The following FAM110B variants were observed in gnomAD, a reference collection of about 807,000 sequenced individuals.
The protein encoded by FAM110B is protein FAM110B.
In FAM110B, 6 loss-of-function variants were observed where a neutral mutation model predicts 20.4. That is an observed-to-expected ratio of 0.29 (90% confidence interval 0.16 to 0.58). FAM110B has a LOEUF of 0.58. Ranked by LOEUF, FAM110B falls within the 20% of genes least tolerant of loss-of-function variation. The pLI, the probability that FAM110B is intolerant of heterozygous loss-of-function variation, is 0.90. For missense variants in FAM110B, 434 were observed against 498.2 expected, an observed-to-expected ratio of 0.87 and a Z score of 1.23; for synonymous variants, 226 against 214.1, an observed-to-expected ratio of 1.06 and a Z score of -0.49.
chr8:58,067,242 G>A (rs1245080689), intron 2 of FAM110B, among the ~76,000 whole-genome samples: 6 of 152,206 alleles, frequency 3.9e-5, no homozygotes, highest in African/African-American at 1.4e-4. Flanking sequence ...CATGCAATGA[G>A]GCAGACGGTT....
intron 3 of FAM110B, among the ~76,000 whole-genome samples, chr8:58,126,543 C>T (rs1807509766): frequency 6.6e-6 from 1 of 152,148 alleles, no homozygotes; most frequent in African/African-American, 2.4e-5. Flanking sequence ...AGTTTCTCTG[C>T]ATTCTTGCCA....
At chr8:58,141,977 G>T (rs1803753326) in intron 3 of FAM110B, among the ~76,000 whole-genome samples, 2 of 152,174 alleles carry the variant, frequency 1.3e-5, no homozygotes, top group Admixed American at 6.5e-5. Context: ...CTCCAGGATT[G>T]CAAATGTTCT....
chr8:58,055,055 A>G (rs1379893679), intron 2 of FAM110B, among the ~76,000 whole-genome samples: 3 of 152,286 alleles, frequency 2.0e-5, no homozygotes, highest in African/African-American at 7.2e-5. Flanking sequence ...TGAAATAGTT[A>G]TTCTTACCCT....
At chr8:58,051,652 A>G (rs558232022) in intron 2 of FAM110B, among the ~76,000 whole-genome samples, 107 of 152,302 alleles carry the variant, frequency 7.0e-4, no homozygotes, top group Non-Finnish European at 1.2e-3. Context: ...TTGCAAATAT[A>G]TAACATATTT....
At chr8:58,075,084 T>G (rs562357476) in intron 2 of FAM110B, among the ~76,000 whole-genome samples, 2 of 152,206 alleles carry the variant, frequency 1.3e-5, no homozygotes, top group African/African-American at 4.8e-5. Flanking sequence ...GCTGTCTTTT[T>G]TTTTTAATAT....
intron 1 of FAM110B, among the ~76,000 whole-genome samples, chr8:58,015,340 G>A (rs987219948): frequency 6.6e-6 from 1 of 151,624 alleles, no homozygotes; most frequent in Non-Finnish European, 1.5e-5. Flanking sequence ...CTGGACGACA[G>A]AGCAAAACTC....
rs1444707674 is a variant in FAM110B at position 58,146,610 on chromosome 8, G to A, written c.380G>A (p.Ser127Asn). 1 of 1,614,028 alleles carries A rather than the reference G, an allele frequency of 6.2e-7. No homozygotes were observed. Among genetic ancestry groups the A allele is most frequent in the Non-Finnish European group, 8.5e-7 (1 of 1,179,950 alleles). The change falls in exon 4 of 4, where the codon AGC (serine) becomes AAC (asparagine). Residue 127 changes from serine to asparagine, a missense_variant. Ser to Asn is a conservative substitution (Grantham distance 46, BLOSUM62 1). This residue lies in a region of FAM110B where 284 missense variants were observed against 278.3 expected (regional missense o/e 1.02). Transcript: ENST00000519262. The part of the protein sequence containing the change: ...KLEILKNIIN[S>N]SEGSSSGSGH... Reference sequence around the variant, plus strand: ...GAGATCCTGAAGAACATCATCAATAGCTCCGAGGGCTCTAGCTCGGGCTCG... The same window carrying A: ...GAGATCCTGAAGAACATCATCAATAACTCCGAGGGCTCTAGCTCGGGCTCG...
At position 58,116,540 on chromosome 8, in the gene FAM110B, T is replaced by G. The variant is rs149698037; in HGVS notation, c.-324-29367T>G. ...AATGAGGCTTTTCTTATTTGACAGATAGAACAATGCCTGAATAAAGAAGGA... is the reference window on the plus strand; with the variant it reads ...AATGAGGCTTTTCTTATTTGACAGAGAGAACAATGCCTGAATAAAGAAGGA... On this transcript the variant is annotated intron_variant, in intron 3 of 3. Coordinates refer to ENST00000519262, the MANE Select transcript of FAM110B (RefSeq NM_001377989.1). 8.5e-5 allele frequency among the ~76,000 whole-genome samples: 13 copies of G among 152,336 alleles called. No homozygotes were observed. In the East Asian group the frequency reaches 2.5e-3, roughly 29 times the overall value.
intron 1 of FAM110B, among the ~76,000 whole-genome samples, chr8:58,029,846 C>T (rs1282125487): frequency 2.6e-5 from 4 of 152,130 alleles, no homozygotes; most frequent in African/African-American, 7.2e-5. Flanking sequence ...AAGATAAATC[C>T]AATCTTGAAG....
intron 2 of FAM110B, among the ~76,000 whole-genome samples, chr8:58,035,257 A>G (rs1805053319): frequency 6.6e-6 from 1 of 152,196 alleles, no homozygotes; most frequent in Admixed American, 6.5e-5. Context: ...CACTTATGTT[A>G]TATGGTTGTT....
chr8:58,090,176 C>T (rs935359547), intron 3 of FAM110B, among the ~76,000 whole-genome samples: 6 of 152,068 alleles, frequency 3.9e-5, no homozygotes, highest in Admixed American at 2.0e-4. Context: ...GGCAGGGGGG[C>T]GGAGACAAAG....
chr8:58,045,451 G>A (rs1207567906), intron 2 of FAM110B, among the ~76,000 whole-genome samples: 1 of 152,154 alleles, frequency 6.6e-6, no homozygotes, highest in Non-Finnish European at 1.5e-5. Flanking sequence ...CTGACTGCAT[G>A]CACGCTCTGT....
chr8:58,039,806 G>T (rs888262536), intron 2 of FAM110B, among the ~76,000 whole-genome samples: 2 of 152,122 alleles, frequency 1.3e-5, no homozygotes, highest in Non-Finnish European at 2.9e-5. Flanking sequence ...GCTCAGGCTG[G>T]AGTGCAGTGA....
At chr8:58,127,134 C>T (rs1350254252) in intron 3 of FAM110B, among the ~76,000 whole-genome samples, 3 of 152,182 alleles carry the variant, frequency 2.0e-5, no homozygotes, top group Admixed American at 6.5e-5. Context: ...TCCAGTTGCT[C>T]CAGCACCATT....
chr8:58,027,844 G>A (rs1804882912), intron 1 of FAM110B, among the ~76,000 whole-genome samples: 1 of 152,180 alleles, frequency 6.6e-6, no homozygotes, highest in Non-Finnish European at 1.5e-5. Flanking sequence ...CCATTCACCA[G>A]ATGATGGACG....
chr8:58,001,886 A>C (rs1804303872), intron 1 of FAM110B, among the ~76,000 whole-genome samples: 1 of 152,204 alleles, frequency 6.6e-6, no homozygotes, highest in African/African-American at 2.4e-5. Context: ...TATTACAAGG[A>C]ATTGTCTTAC....
chr8:58,037,527 A>G (rs1056256883), intron 2 of FAM110B, among the ~76,000 whole-genome samples: 7 of 151,578 alleles, frequency 4.6e-5, no homozygotes, highest in African/African-American at 1.7e-4. Flanking sequence ...AACCCTAGCT[A>G]CTCAGTTAAG....
rs188380125 is a variant in FAM110B, at chr8:58,148,066, T to G, written c.*723T>G. 7.0e-4 allele frequency: 117 copies of G among 166,828 alleles called. 1 individual carries two copies. The highest frequency in any genetic ancestry group is 2.7e-3 in the African/African-American group (112 of 41,398). 10.3% of individuals were successfully genotyped at this position (166,828 alleles called of 1,614,324 possible). ...GGGGGTTTTGTTGATGTTGTTCTGA[T>G]TGGGATAATTCAGAAATTCCTAATA... On this transcript the variant is annotated 3_prime_UTR_variant, in exon 4 of 4. Transcript: ENST00000519262.
chr8:57,995,221 G>C (rs1453212441), intron 1 of FAM110B, among the ~76,000 whole-genome samples: 1 of 152,192 alleles, frequency 6.6e-6, no homozygotes, highest in Admixed American at 6.5e-5. Context: ...GTTGCTGCTG[G>C]AGGAGTGGGA....
Sources: gnomAD v4.1 joint callset for allele counts (sites outside exome capture counted in the v4.1 genomes callset) on GRCh38, gnomAD v4.1.1 for gene constraint, gnomAD v4.1.1 regional missense constraint, MANE v1.5 for transcripts, NCBI Gene and HGNC (gene_info 2026-07-23, HGNC 2026-07-21) for gene names.